Variants in OR1F1 observed in about 807,000 individuals in gnomAD.
OR1F1 encodes olfactory receptor 1F1.
For missense variants in OR1F1, 493 were observed against 376.3 expected, an observed-to-expected ratio of 1.31 and a Z score of -2.57; for synonymous variants, 184 against 156.7, an observed-to-expected ratio of 1.17 and a Z score of -1.30.
At chr16:3,189,053 G>T in the OR1F1 span, among the ~76,000 whole-genome samples, 1 of 152,194 alleles carries the variant, frequency 6.6e-6, no homozygotes, top group Non-Finnish European at 1.5e-5. Flanking sequence ...GACTCTCAGC[G>T]TCAGCCTTTA....
chr16:3,192,821 C>G, the OR1F1 span, among the ~76,000 whole-genome samples: 1 of 152,132 alleles, frequency 6.6e-6, no homozygotes, highest in East Asian at 1.9e-4. Flanking sequence ...TAAGAGGGCG[C>G]TGACTTGGGC....
the OR1F1 span, among the ~76,000 whole-genome samples, chr16:3,191,501 G>C: frequency 6.6e-6 from 1 of 152,140 alleles, no homozygotes; most frequent in Non-Finnish European, 1.5e-5. Flanking sequence ...TCCCAGGGAA[G>C]CCCGGCTAGC....
the OR1F1 span, among the ~76,000 whole-genome samples, chr16:3,197,568 A>G: frequency 1.2e-4 from 1 of 8,434 alleles, no homozygotes; most frequent in Non-Finnish European, 2.2e-4. Context: ...TCTGACTACA[A>G]GCTTAAATGT....
At chr16:3,203,749 C>G (rs976847327), upstream of OR1F1, among the ~76,000 whole-genome samples, 1 of 152,086 alleles carries the variant, frequency 6.6e-6, no homozygotes, top group Non-Finnish European at 1.5e-5. Flanking sequence ...GGCGACAGAG[C>G]GAGACTCCGT....
the OR1F1 span, among the ~76,000 whole-genome samples, chr16:3,195,403 A>T: frequency 6.6e-6 from 1 of 152,224 alleles, no homozygotes. Flanking sequence ...CGTCCATCCC[A>T]GTGAGAAAGG....
the OR1F1 span, among the ~76,000 whole-genome samples, chr16:3,190,903 T>C: frequency 6.6e-6 from 1 of 152,094 alleles, no homozygotes; most frequent in Admixed American, 6.5e-5. Context: ...AAAGAAAATA[T>C]CTTTGACAAC....
exon 1 of OR1F1, chr16:3,204,630 C>G (rs1377052564): frequency 1.9e-6 from 3 of 1,614,162 alleles, no homozygotes; most frequent in Admixed American, 1.7e-5. Flanking sequence ...CCGTGTGCCA[C>G]CCCTTACATT....
In OR1F1 at chr16:3,205,130, G is replaced by GGGCT. The variant is rs1165691175; in HGVS notation, c.885_886insGCTG (p.Tyr296AlafsTer?). The GGGCT allele has an allele frequency of 6.2e-7, 1 of 1,613,474 alleles. No individual in the cohort carries two copies. Among genetic ancestry groups the GGGCT allele is most frequent in the Non-Finnish European group, 8.5e-7 (1 of 1,179,698 alleles). ...CCTTTCATCTACAGCCTGAGGAACA[G>GGGCT]GTACTTGAAAGGGGCTCTGAAAAAA... On this transcript the variant is annotated frameshift_variant, in exon 1 of 1. Transcript: ENST00000304646. LOFTEE classifies it low-confidence loss of function (END_TRUNC).
chr16:3,204,304 C>A, exon 1 of OR1F1: 1 of 1,613,950 alleles, frequency 6.2e-7, no homozygotes. Flanking sequence ...ACTCTCCAGG[C>A]AGCCCCAGCA....
chr16:3,199,115 C>CAAAAAAAAAAAA, the OR1F1 span, among the ~76,000 whole-genome samples: 4 of 52,576 alleles, frequency 7.6e-5, no homozygotes, highest in Non-Finnish European at 1.1e-4. Context: ...CCTGTCTCTA[C>CAAAAAAAAAAAA]AAAAAAAAAA....
chr16:3,189,591 T>C, the OR1F1 span, among the ~76,000 whole-genome samples: 2 of 152,196 alleles, frequency 1.3e-5, no homozygotes, highest in African/African-American at 4.8e-5. Context: ...GCCCCCAGGA[T>C]GCTAGGACGC....
chr16:3,200,319 G>A (rs981481836), upstream of OR1F1, among the ~76,000 whole-genome samples: 2 of 152,048 alleles, frequency 1.3e-5, no homozygotes, highest in African/African-American at 4.8e-5. Flanking sequence ...CTATTAAAAT[G>A]AGGAAAAAGG....
the OR1F1 span, among the ~76,000 whole-genome samples, chr16:3,198,045 G>C: frequency 2.0e-3 from 250 of 128,184 alleles, no homozygotes; most frequent in Non-Finnish European, 3.1e-3. Flanking sequence ...GAGGGAGAGG[G>C]AGAAGGAGAG....
chr16:3,195,230 C>T, the OR1F1 span, among the ~76,000 whole-genome samples: 1 of 152,154 alleles, frequency 6.6e-6, no homozygotes, highest in Non-Finnish European at 1.5e-5. Flanking sequence ...GGAGAGAATC[C>T]TCCCTAAAAA....
the OR1F1 span, among the ~76,000 whole-genome samples, chr16:3,195,408 GA>G: frequency 6.6e-6 from 1 of 152,226 alleles, no homozygotes; most frequent in African/African-American, 2.4e-5. Flanking sequence ...ATCCCAGTGA[GA>G]AAGGAAACAG....
chr16:3,194,170 G>A, the OR1F1 span, among the ~76,000 whole-genome samples: 84 of 152,332 alleles, frequency 5.5e-4, 2 homozygotes, highest in African/African-American at 2.0e-3. Context: ...TGAGAAGAGT[G>A]AAGATTTTAC....
At chr16:3,197,438 A>C in the OR1F1 span, among the ~76,000 whole-genome samples, 1 of 152,218 alleles carries the variant, frequency 6.6e-6, no homozygotes, top group African/African-American at 2.4e-5. Flanking sequence ...TCTCATTCTA[A>C]ACCTTCAAAC....
the OR1F1 span, among the ~76,000 whole-genome samples, chr16:3,192,063 C>T: frequency 2.0e-5 from 3 of 152,072 alleles, no homozygotes; most frequent in African/African-American, 4.8e-5. Context: ...ACGAGCCCCT[C>T]TTCTTATTTT....
At chr16:3,204,616 G>C in exon 1 of OR1F1, 1 of 1,614,124 alleles carries the variant, frequency 6.2e-7, no homozygotes, top group Non-Finnish European at 8.5e-7. Flanking sequence ...TGACCACTTT[G>C]TCGCCGTGTG....
Sources: gnomAD v4.1 joint callset for allele counts (sites outside exome capture counted in the v4.1 genomes callset) on GRCh38, gnomAD v4.1.1 for gene constraint, MANE v1.5 for transcripts, NCBI Gene and HGNC (gene_info 2026-07-23, HGNC 2026-07-21) for gene names.